Variants in IGSF9 observed in about 807,000 individuals in gnomAD.
The protein encoded by IGSF9 is protein turtle homolog A.
A neutral mutation model predicts 121.7 loss-of-function variants in IGSF9; 87 were observed. The ratio of observed to expected loss-of-function variants is 0.71; its 90% confidence interval spans 0.60 to 0.85. The LOEUF is 0.85. Ranked by LOEUF, IGSF9 falls within the 40% of genes least tolerant of loss-of-function variation. The probability of loss-of-function intolerance (pLI) is 0.00; values close to 1 mark genes in which losing one functional copy is unlikely to be tolerated. For missense variants in IGSF9, 1,462 were observed against 1,565.3 expected (o/e 0.93, Z 1.11); for synonymous variants, 640 against 648.4 (o/e 0.99, Z 0.20).
chr1:159,939,981 T>G (rs1651322814), intron 3 of IGSF9, among the ~76,000 whole-genome samples: 2 of 152,182 alleles, frequency 1.3e-5, no homozygotes, highest in Non-Finnish European at 2.9e-5. Flanking sequence ...GTGTCCCACA[T>G]GATACTTTTC....
chr1:159,942,819 G>C, intron 3 of IGSF9, 144 bp downstream of exon 3: 1 of 648,926 alleles, frequency 1.5e-6, no homozygotes, highest in East Asian at 2.9e-5. Context: ...GCACAGCCAT[G>C]CTTATTAAGC....
chr1:159,930,637 C>T (rs979685770), intron 14 of IGSF9, 55 bp downstream of exon 14: 5 of 1,607,106 alleles, frequency 3.1e-6, no homozygotes, highest in African/African-American at 1.3e-5. Flanking sequence ...CCCAGCTCTC[C>T]CAGCAGCCCT....
At position 159,932,495 on chromosome 1, in the gene IGSF9, C is replaced by T; in HGVS notation, c.1245+17G>A. 6.2e-7 allele frequency: 1 copy of T among 1,613,408 alleles called. No individual in the cohort carries two copies. Among genetic ancestry groups the T allele is most frequent in the Non-Finnish European group, 8.5e-7 (1 of 1,179,680 alleles). ...GACCCACTGTCACCACAGGCCCCCG[C>T]CCACCCCCGGCCTAACCTTGAGCAG... On this transcript the variant is annotated intron_variant, in intron 10 of 20. Coordinates refer to ENST00000368094, the MANE Select transcript of IGSF9 (RefSeq NM_001135050.2). The surrounding 1 kb of genome is among the most constrained non-coding windows in gnomAD (Gnocchi z 4.1).
At chr1:159,944,617 G>A (rs1268079882) in intron 1 of IGSF9, among the ~76,000 whole-genome samples, 2 of 152,128 alleles carry the variant, frequency 1.3e-5, no homozygotes, top group African/African-American at 4.8e-5. Flanking sequence ...ATTAACCCTG[G>A]GGCATGGAGG....
Position 159,927,833 on chromosome 1 carries a change from G to C in IGSF9, c.3285C>G (p.Asp1095Glu), listed in dbSNP as rs1162565595. ...NYEWDSEFPG[D>E]MELLETLHLG... ...GGTGCAAAGTCTCCAGCAATTCCATGTCCCCAGGGAATTCTGAGTCCCACT... is the reference window on the plus strand; with the variant it reads ...GGTGCAAAGTCTCCAGCAATTCCATCTCCCCAGGGAATTCTGAGTCCCACT... The change falls in exon 20 of 21, where the codon GAC (aspartate) becomes GAG (glutamate). Residue 1095 changes from aspartate (D) to glutamate (E), a missense_variant. Physicochemically the swap from Asp to Glu is conservative, Grantham distance 45. This residue lies in a region of IGSF9 where 808 missense variants were observed against 815.2 expected (regional missense o/e 0.99). Coordinates refer to ENST00000368094, the MANE Select transcript of IGSF9 (RefSeq NM_001135050.2). 1 of 1,613,304 alleles carries C rather than the reference G, an allele frequency of 6.2e-7. No individual in the cohort carries two copies. Among genetic ancestry groups the C allele is most frequent in the Non-Finnish European group, 8.5e-7 (1 of 1,179,894 alleles).
chr1:159,927,793 A>T lies in IGSF9; in HGVS notation c.3325T>A (p.Ser1109Thr), dbSNP rs1055715286. The change falls in exon 20 of 21, where the codon TCC becomes ACC. Residue 1109 changes from serine (S) to threonine (T), a missense_variant. Physicochemically the swap from Ser to Thr is moderately conservative, Grantham distance 58 (BLOSUM62 1). Around this residue, in one of 3 missense-constraint regions of IGSF9, gnomAD observed 808 missense variants for 815.2 expected, o/e 0.99. Transcript: ENST00000368094. Reference sequence around the variant, plus strand: ...GGCTCAGCTTCAGGTCTGAGCCGGGAGCTGGCCAAGCCCAGGTGCAAAGTC... The same window carrying T: ...GGCTCAGCTTCAGGTCTGAGCCGGGTGCTGGCCAAGCCCAGGTGCAAAGTC... Reference protein sequence around the residue: ...LETLHLGLASSRLRPEAEPEL... With the variant: ...LETLHLGLASTRLRPEAEPEL... The T allele has an allele frequency of 3.7e-6, 6 of 1,613,616 alleles. No individual in the cohort carries two copies. In the African/African-American group the frequency reaches 8.0e-5, roughly 22 times the overall value.
intron 19 of IGSF9, 34 bp from the exon 20 acceptor site, chr1:159,927,921 G>A (rs376635420): frequency 3.7e-6 from 6 of 1,601,700 alleles, no homozygotes; most frequent in Non-Finnish European, 1.7e-6. Flanking sequence ...AACATATGGT[G>A]TGGGTGGAGG....
At chr1:159,930,622 C>G (rs1650960415) in intron 14 of IGSF9, 70 bp downstream of exon 14, 1 of 1,597,020 alleles carries the variant, frequency 6.3e-7, no homozygotes, top group Admixed American at 1.7e-5. Context: ...CAGGGCCTCC[C>G]ATATCCCAGC....
In IGSF9 at chr1:159,934,250, G is replaced by C; in HGVS notation, c.1044C>G (p.Ala348=). The C allele has an allele frequency of 1.2e-6, 2 of 1,613,998 alleles. No homozygotes were observed. Among genetic ancestry groups the C allele is most frequent in the Non-Finnish European group, 1.7e-6 (2 of 1,179,950 alleles). The change falls in exon 9 of 21, where the codon GCC becomes GCG. Residue 348 remains alanine (A), a synonymous_variant. Transcript: ENST00000368094. ...MPGVIRCPVR[A]NPPLLFVSWT... ...AGCTGACAAAGAGCAGTGGGGGGTT[G>C]GCACGAACCGGGCAGCGGATCACCC...
chr1:159,932,420 G>GCCCCCCCCCCC lies in IGSF9; in HGVS notation c.1245+91_1245+92insGGGGGGGGGGG. 9.8e-7 allele frequency: 1 copy of GCCCCCCCCCCC among 1,021,814 alleles called. No individual in the cohort carries two copies. The highest frequency in any genetic ancestry group is 1.5e-6 in the Non-Finnish European group (1 of 689,030). 63.3% of individuals were successfully genotyped at this position (1,021,814 alleles called of 1,614,324 possible). ...CTTGGAAACCCCTCCCCATGTGTCT[G>GCCCCCCCCCCC]CCCCACCCCACCCCCATCAGCCTGG... On this transcript the variant is annotated intron_variant, in intron 10 of 20. Coordinates refer to ENST00000368094, the MANE Select transcript of IGSF9 (RefSeq NM_001135050.2). This position sits in a 1 kb window ranked among gnomAD's most constrained non-coding sequence, Gnocchi z 4.1.
chr1:159,934,671 G>T lies in IGSF9; in HGVS notation c.815+10C>A, dbSNP rs1557934465. The stretch of plus-strand genomic sequence containing the variant: ...CCCCACCTCCACCTTCCTAATGAGG[G>T]TGACCCCACCTAATGTGGAAGACAT... On this transcript the variant is annotated intron_variant, in intron 7 of 20. Transcript: ENST00000368094. The T allele has an allele frequency of 6.2e-6, 10 of 1,614,196 alleles. No homozygotes were observed. The highest frequency in any genetic ancestry group is 7.6e-6 in the Non-Finnish European group (9 of 1,180,000).
At chr1:159,938,051 G>A (rs769383509) in intron 3 of IGSF9, among the ~76,000 whole-genome samples, 11 of 152,164 alleles carry the variant, frequency 7.2e-5, no homozygotes, top group Non-Finnish European at 1.5e-4. Context: ...TCGACAGCTG[G>A]GACCCTGTCT....
chr1:159,927,341 A>G lies in IGSF9; in HGVS notation c.*4T>C, dbSNP rs745515277. The G allele has an allele frequency of 1.2e-6, 2 of 1,613,330 alleles. No homozygotes were observed. The highest frequency in any genetic ancestry group is 2.2e-5 in the South Asian group (2 of 91,062). ...GCCTTTTCACAGCCTCACATCAGGG[A>G]TGTTCACAGCAGAGTGGCCTGTTCG... is the stretch of plus-strand genomic sequence containing the variant. On this transcript the variant is annotated 3_prime_UTR_variant, in exon 21 of 21. Coordinates refer to ENST00000368094, the MANE Select transcript of IGSF9 (RefSeq NM_001135050.2).
At chr1:159,929,142 AC>A in intron 18 of IGSF9, 124 bp from the exon 19 acceptor site, 1 of 1,392,496 alleles carries the variant, frequency 7.2e-7, no homozygotes, top group Non-Finnish European at 9.8e-7. Flanking sequence ...CGAGGAAAGG[AC>A]CAACAAGGTG....
At position 159,932,250 on chromosome 1, in the gene IGSF9, G is replaced by A. The variant is rs1384279618; in HGVS notation, c.1245+262C>T. On this transcript the variant is annotated intron_variant, in intron 10 of 20. Coordinates refer to ENST00000368094, the MANE Select transcript of IGSF9 (RefSeq NM_001135050.2). This position sits in a 1 kb window ranked among gnomAD's most constrained non-coding sequence, Gnocchi z 4.1. Reference sequence around the variant, plus strand: ...AGAGCCCCAGAGAGGGAGGCAGCACGGTCAAGGTTAGTGAGAGTTGGGGCA... The same window carrying A: ...AGAGCCCCAGAGAGGGAGGCAGCACAGTCAAGGTTAGTGAGAGTTGGGGCA... 1.6e-5 allele frequency: 9 copies of A among 579,068 alleles called. No individual in the cohort carries two copies. The highest frequency in any genetic ancestry group is 3.8e-5 in the African/African-American group (2 of 53,166). The allele number at this position is 579,068 out of a possible 1,614,324, so 35.9% of individuals were successfully genotyped here. A position where few individuals can be genotyped will look rare whatever the true frequency, so the allele number is the denominator to read the frequency against.
chr1:159,934,244 G>A lies in IGSF9; in HGVS notation c.1050C>T (p.Pro350=), dbSNP rs2101878453. The change falls in exon 9 of 21, where the codon CCC becomes CCT. Residue 350 remains proline (P), a synonymous_variant. Coordinates refer to ENST00000368094, the MANE Select transcript of IGSF9 (RefSeq NM_001135050.2). The stretch of plus-strand genomic sequence containing the variant: ...TGGTCCAGCTGACAAAGAGCAGTGG[G>A]GGGTTGGCACGAACCGGGCAGCGGA... The part of the protein sequence containing the change: ...GVIRCPVRAN[P]PLLFVSWTKD... 1 of 1,614,060 alleles carries A rather than the reference G, an allele frequency of 6.2e-7. No homozygotes were observed. Among genetic ancestry groups the A allele is most frequent in the Non-Finnish European group, 8.5e-7 (1 of 1,179,990 alleles).
Position 159,943,544 on chromosome 1 carries a change from C to G in IGSF9, c.-90G>C. 2.4e-6 allele frequency: 3 copies of G among 1,255,624 alleles called. No individual in the cohort carries two copies. The highest frequency in any genetic ancestry group is 3.2e-6 in the Non-Finnish European group (3 of 930,346). 77.8% of individuals were successfully genotyped at this position (1,255,624 alleles called of 1,614,324 possible). A position where few individuals can be genotyped will look rare whatever the true frequency, so the allele number is the denominator to read the frequency against. On this transcript the variant is annotated 5_prime_UTR_variant, in exon 2 of 21. Transcript: ENST00000368094. Reference sequence around the variant, plus strand: ...ATGTCCTTCTGATCAGCTCAGGGAACAGGTTTCAGCTCTCACTCTTCTGTA... The same window carrying G: ...ATGTCCTTCTGATCAGCTCAGGGAAGAGGTTTCAGCTCTCACTCTTCTGTA...
intron 4 of IGSF9, 28 bp from the exon 5 acceptor site, chr1:159,936,936 C>G: frequency 6.2e-7 from 1 of 1,612,142 alleles, no homozygotes; most frequent in Non-Finnish European, 8.5e-7. Context: ...ATCAGGGGCC[C>G]CAGTGGGGCT....
chr1:159,932,776 T>C lies in IGSF9; in HGVS notation c.1105-124A>G, dbSNP rs1055086144. The C allele has an allele frequency of 3.3e-6, 3 of 900,176 alleles. No homozygotes were observed. The highest frequency in any genetic ancestry group is 1.7e-5 in the African/African-American group (1 of 58,842). The allele number at this position is 900,176 out of a possible 1,614,324, so 55.8% of individuals were successfully genotyped here. ...TGTGCAGAAGACTCCAGCAGCTCCA[T>C]GTCTAGGCCTGACCCCTCTCTGATT... On this transcript the variant is annotated intron_variant, in intron 9 of 20. Coordinates refer to ENST00000368094, the MANE Select transcript of IGSF9 (RefSeq NM_001135050.2). This position sits in a 1 kb window ranked among gnomAD's most constrained non-coding sequence, Gnocchi z 4.1.
Sources: gnomAD v4.1 joint callset for allele counts (sites outside exome capture counted in the v4.1 genomes callset) on GRCh38, gnomAD v4.1.1 for gene constraint, gnomAD v4.1.1 regional missense constraint, Gnocchi (gnomAD v3.1) non-coding constraint, MANE v1.5 for transcripts, NCBI Gene and HGNC (gene_info 2026-07-23, HGNC 2026-07-21) for gene names.